The following TENM3 variants were observed in gnomAD, a reference collection of about 807,000 sequenced individuals.
The protein encoded by TENM3 is teneurin-3.
In TENM3, 63 loss-of-function variants were observed where a neutral mutation model predicts 255.1. The observed-to-expected ratio is 0.25, with a 90% CI of 0.20 to 0.30. TENM3 has a LOEUF of 0.30. Ranked by LOEUF, TENM3 falls within the 10% of genes least tolerant of loss-of-function variation. The probability of loss-of-function intolerance (pLI) is 1.00; values close to 1 mark genes in which losing one functional copy is unlikely to be tolerated. For missense variants in TENM3, 2,929 were observed against 3,461.1 expected, an observed-to-expected ratio of 0.85 and a Z score of 3.86; for synonymous variants, 1,306 against 1,322.3, an observed-to-expected ratio of 0.99 and a Z score of 0.27.
chr4:182,496,578 T>C lies in TENM3; in HGVS notation c.512-104346T>C, dbSNP rs558648069. Among the ~76,000 whole-genome samples, 3 of 152,350 alleles carry C rather than the reference T, an allele frequency of 2.0e-5. No individual in the cohort carries two copies. In the South Asian group the frequency reaches 6.2e-4, roughly 32 times the overall value. On this transcript the variant is annotated intron_variant, in intron 3 of 27. Transcript: ENST00000511685. ...AGATTTGATTGATTTCTGCTTGTTA[T>C]AGTCATTGTAAATTTTAGTGCCATG...
intron 1 of TENM3, among the ~76,000 whole-genome samples, chr4:182,195,035 A>T (rs1470336102): frequency 5.4e-4 from 36 of 66,858 alleles, no homozygotes; most frequent in Admixed American, 3.9e-3. Flanking sequence ...ACACACACAC[A>T]CACACACACA....
chr4:182,227,109 C>T (rs548789009), intron 1 of TENM3, among the ~76,000 whole-genome samples: 34 of 152,152 alleles, frequency 2.2e-4, no homozygotes, highest in Non-Finnish European at 4.4e-4. Flanking sequence ...TAAGACAGCT[C>T]AAGCAGTAGA....
the TENM3 span, among the ~76,000 whole-genome samples, chr4:181,713,205 G>A: frequency 9.9e-5 from 15 of 152,130 alleles, no homozygotes; most frequent in East Asian, 3.9e-4. Context: ...GTCACTGCTC[G>A]AAGAGTCACT....
At chr4:182,425,127 T>C (rs1771107679) in intron 3 of TENM3, among the ~76,000 whole-genome samples, 1 of 152,230 alleles carries the variant, frequency 6.6e-6, no homozygotes, top group African/African-American at 2.4e-5. Context: ...ATATGATTCA[T>C]TAACTCTTTA....
chr4:182,342,967 A>G (rs1239590953), intron 2 of TENM3, among the ~76,000 whole-genome samples: 2 of 152,118 alleles, frequency 1.3e-5, no homozygotes, highest in African/African-American at 2.4e-5. Context: ...CATTTTCCCA[A>G]TCTCCTTCTT....
At chr4:182,315,121 T>C (rs1156531948) in intron 1 of TENM3, among the ~76,000 whole-genome samples, 1 of 152,226 alleles carries the variant, frequency 6.6e-6, no homozygotes, top group Non-Finnish European at 1.5e-5. Context: ...ATGTTATAAA[T>C]GCTACAGTAC....
the TENM3 span, among the ~76,000 whole-genome samples, chr4:181,559,338 A>G: frequency 8.1e-3 from 1,227 of 152,314 alleles, 11 homozygotes; most frequent in African/African-American, 0.028. Flanking sequence ...CCACAATGGC[A>G]AATTGATCCA....
chr4:182,389,114 CTCTTT>C (rs1348698157), intron 3 of TENM3, among the ~76,000 whole-genome samples: 3 of 152,190 alleles, frequency 2.0e-5, no homozygotes, highest in African/African-American at 7.2e-5. Flanking sequence ...TATGTCAAAT[CTCTTT>C]TCTTGTTTAA....
the TENM3 span, among the ~76,000 whole-genome samples, chr4:182,100,750 CAT>C: frequency 4.2e-4 from 31 of 74,230 alleles, 5 homozygotes; most frequent in African/African-American, 1.5e-3. Flanking sequence ...TATATACACA[CAT>C]ATATATACAC....
chr4:181,835,887 TTTTCTTCCAAAGAGGTTCTAC>T, the TENM3 span, among the ~76,000 whole-genome samples: 2 of 152,216 alleles, frequency 1.3e-5, no homozygotes, highest in Non-Finnish European at 2.9e-5. Flanking sequence ...GAACATTTTT[TTTTCTTCCAAAGAGGTTCTAC>T]TTTCAGGAAT....
chr4:181,470,120 A>AAAAC, the TENM3 span, among the ~76,000 whole-genome samples: 13 of 21,362 alleles, frequency 6.1e-4, no homozygotes, highest in South Asian at 1.5e-3. Context: ...AAAAAAAAAA[A>AAAAC]AAAAACATTA....
At chr4:182,332,630 G>T (rs1763842153) in intron 2 of TENM3, among the ~76,000 whole-genome samples, 2 of 151,466 alleles carry the variant, frequency 1.3e-5, no homozygotes, top group Admixed American at 6.6e-5. Flanking sequence ...GGAGGTGGAG[G>T]TTGCAGTGAG....
At chr4:182,639,198 T>C (rs1198774047) in intron 5 of TENM3, among the ~76,000 whole-genome samples, 1 of 152,194 alleles carries the variant, frequency 6.6e-6, no homozygotes. Flanking sequence ...TTGTATACCA[T>C]AGTACAATTT....
intron 3 of TENM3, among the ~76,000 whole-genome samples, chr4:182,411,747 G>A (rs1389938014): frequency 2.6e-5 from 4 of 152,200 alleles, no homozygotes; most frequent in Admixed American, 1.3e-4. Context: ...GGTTGCCATT[G>A]AGGTGAGGAA....
chr4:181,570,028 A>G, the TENM3 span, among the ~76,000 whole-genome samples: 1 of 149,348 alleles, frequency 6.7e-6, no homozygotes, highest in Non-Finnish European at 1.5e-5. Context: ...CATCCCTACA[A>G]ATGTTTCTTT....
At chr4:181,941,182 C>G in the TENM3 span, among the ~76,000 whole-genome samples, 10 of 152,092 alleles carry the variant, frequency 6.6e-5, no homozygotes, top group African/African-American at 2.4e-4. Flanking sequence ...CATGTGTATC[C>G]CTCCATCAGA....
intron 1 of TENM3, among the ~76,000 whole-genome samples, chr4:182,208,628 C>T (rs1754746313): frequency 6.6e-6 from 1 of 152,116 alleles, no homozygotes; most frequent in Admixed American, 6.6e-5. Flanking sequence ...GGTAGCATTT[C>T]TTATCAAAAA....
At chr4:181,496,246 A>G in the TENM3 span, among the ~76,000 whole-genome samples, 19 of 152,016 alleles carry the variant, frequency 1.2e-4, no homozygotes, top group African/African-American at 4.4e-4. Flanking sequence ...ATGTGGATCT[A>G]TTTTGCAGAC....
the TENM3 span, among the ~76,000 whole-genome samples, chr4:181,702,019 C>T: frequency 6.6e-6 from 1 of 152,288 alleles, no homozygotes; most frequent in South Asian, 2.1e-4. Flanking sequence ...CATCCACCCA[C>T]CCCAGCAGCC....
Sources: gnomAD v4.1 joint callset for allele counts (sites outside exome capture counted in the v4.1 genomes callset) on GRCh38, gnomAD v4.1.1 for gene constraint, MANE v1.5 for transcripts, NCBI Gene and HGNC (gene_info 2026-07-23, HGNC 2026-07-21) for gene names.